PICALM: variants seen among roughly 807,000 people sequenced by gnomAD.
PICALM encodes phosphatidylinositol-binding clathrin assembly protein.
In PICALM, 40 loss-of-function variants were observed where a neutral mutation model predicts 80.5. The observed-to-expected ratio is 0.50, with a 90% CI of 0.39 to 0.65. PICALM has a LOEUF of 0.65. Among genes scored for constraint, PICALM ranks in the 30% least tolerant of loss-of-function variants. The pLI, the probability that PICALM is intolerant of heterozygous loss-of-function variation, is 0.00. For synonymous variants in PICALM, 288 were observed against 260.3 expected (o/e 1.11, Z -1.02); for missense variants, 676 against 778.9 (o/e 0.87, Z 1.57).
chr11:86,057,303 C>T (rs992298356), intron 1 of PICALM, among the ~76,000 whole-genome samples: 7 of 152,132 alleles, frequency 4.6e-5, no homozygotes, highest in African/African-American at 1.7e-4. Context: ...CTTTGGGAGG[C>T]CGAGAGGCAG....
chr11:85,974,607 A>C, intron 19 of PICALM, 101 bp downstream of exon 19: 1 of 785,004 alleles, frequency 1.3e-6, no homozygotes, highest in Admixed American at 1.8e-5. Flanking sequence ...GAAGGTAGAA[A>C]GTGCTAGTAA....
Position 85,974,794 on chromosome 11 carries a change from C to T in PICALM, c.1858G>A (p.Val620Ile), listed in dbSNP as rs1158171283. ...AAGGTTGGTTGCGTCATTACAGGAA[C>T]ACTTCCCATTTGTGGAGGCTAAAAA... ...GYGIPPQMGS[V>I]PVMTQPTLIY... The change falls in exon 19 of 20, where the codon GTT becomes ATT. Residue 620 changes from valine to isoleucine, a missense_variant. By Grantham distance (29) the Val-to-Ile change is conservative. This residue lies in a region of PICALM where 391 missense variants were observed against 383.6 expected (regional missense o/e 1.02). Coordinates refer to ENST00000393346, the MANE Select transcript of PICALM (RefSeq NM_007166.4). 1.2e-6 allele frequency: 2 copies of T among 1,612,968 alleles called. No homozygotes were observed. The highest frequency in any genetic ancestry group is 8.5e-7 in the Non-Finnish European group (1 of 1,178,962).
intron 1 of PICALM, among the ~76,000 whole-genome samples, chr11:86,034,687 G>A (rs544746259): frequency 4.9e-4 from 74 of 151,916 alleles, no homozygotes; most frequent in African/African-American, 1.7e-3. Context: ...CACATGGCAC[G>A]TAGGTTCTCT....
chr11:85,992,734 C>T (rs1324196926), intron 12 of PICALM, among the ~76,000 whole-genome samples: 1 of 152,084 alleles, frequency 6.6e-6, no homozygotes, highest in Non-Finnish European at 1.5e-5. Flanking sequence ...ATTTCTGTAA[C>T]AGATCCATTG....
rs76910507 is a variant in PICALM, at chr11:85,964,218, A to G, written c.1945-5158T>C. Among the ~76,000 whole-genome samples, 1,165 of 152,276 alleles carry G rather than the reference A, an allele frequency of 7.7e-3. 15 individuals carry two copies. The highest frequency in any genetic ancestry group is 0.027 in the African/African-American group (1,117 of 41,548). ...GGATATTTAGGAAAAAACTTGTGAC[A>G]TATCATTTGGCTGTACTTAAAATCC... On this transcript the variant is annotated intron_variant, in intron 19 of 19. Coordinates refer to ENST00000393346, the MANE Select transcript of PICALM (RefSeq NM_007166.4).
At chr11:86,056,429 G>A (rs182637825) in intron 1 of PICALM, among the ~76,000 whole-genome samples, 58 of 151,350 alleles carry the variant, frequency 3.8e-4, no homozygotes, top group Non-Finnish European at 6.8e-4. Flanking sequence ...TAACCACTAG[G>A]GAAATGGAAA....
In PICALM at chr11:85,981,880, A is replaced by G; in HGVS notation, c.1640T>C (p.Leu547Pro). The change falls in exon 15 of 20, where the codon CTT becomes CCT. Residue 547 changes from leucine to proline, a missense_variant. Around this residue, in one of 2 missense-constraint regions of PICALM, gnomAD observed 391 missense variants for 383.6 expected, o/e 1.02. Coordinates refer to ENST00000393346, the MANE Select transcript of PICALM (RefSeq NM_007166.4). ...SDDLDSSLAN[L>P]VGNLGIGNGT... ...ATCCAAAGACTACTTACTGCCCACA[A>G]GGTTGGCTAAAGATGAATCCAAGTC... is the stretch of plus-strand genomic sequence containing the variant. 1 of 1,613,872 alleles carries G rather than the reference A, an allele frequency of 6.2e-7. No homozygotes were observed. Among genetic ancestry groups the G allele is most frequent in the Non-Finnish European group, 8.5e-7 (1 of 1,179,748 alleles).
chr11:86,040,523 T>A (rs756426939), intron 1 of PICALM, among the ~76,000 whole-genome samples: 18 of 152,134 alleles, frequency 1.2e-4, no homozygotes, highest in Non-Finnish European at 2.2e-4. Flanking sequence ...TTTATAGTAA[T>A]CTTTCATATG....
At chr11:86,030,366 C>A (rs2095728769) in intron 2 of PICALM, among the ~76,000 whole-genome samples, 3 of 152,138 alleles carry the variant, frequency 2.0e-5, no homozygotes, top group Non-Finnish European at 4.4e-5. Flanking sequence ...TACTGAAAAG[C>A]CCAAAATAAC....
At chr11:86,034,537 C>T (rs768935427) in intron 1 of PICALM, among the ~76,000 whole-genome samples, 7 of 152,096 alleles carry the variant, frequency 4.6e-5, no homozygotes, top group Non-Finnish European at 1.0e-4. Flanking sequence ...CCTTGCCAAC[C>T]AATAAGTTAC....
At chr11:85,994,975 A>C (rs2094914136) in intron 12 of PICALM, among the ~76,000 whole-genome samples, 1 of 152,226 alleles carries the variant, frequency 6.6e-6, no homozygotes, top group Non-Finnish European at 1.5e-5. Flanking sequence ...AAGTACTGGG[A>C]TTACAGGTGT....
chr11:86,007,513 G>A lies in PICALM; in HGVS notation c.807+29C>T, dbSNP rs202017964. On this transcript the variant is annotated intron_variant, in intron 8 of 19. Coordinates refer to ENST00000393346, the MANE Select transcript of PICALM (RefSeq NM_007166.4). ...CTTCACAACTTGTACACAACAGATA[G>A]TGGATTGGTATTTTAACAATAAACT... 105 of 1,299,408 alleles carry A rather than the reference G, an allele frequency of 8.1e-5. 1 individual carries two copies. The Middle Eastern group carries it at 1.1e-3, about 14-fold the overall frequency. The allele number at this position is 1,299,408 out of a possible 1,614,324, so 80.5% of individuals were successfully genotyped here. A position where few individuals can be genotyped will look rare whatever the true frequency, so the allele number is the denominator to read the frequency against.
At chr11:85,971,727 C>A (rs1397828079) in intron 19 of PICALM, among the ~76,000 whole-genome samples, 11 of 149,466 alleles carry the variant, frequency 7.4e-5, no homozygotes, top group African/African-American at 2.7e-4. Flanking sequence ...CAGAGCAAGA[C>A]CCTGTCTCAA....
intron 10 of PICALM, 73 bp from the exon 11 acceptor site, chr11:86,000,852 T>G (rs1046700690): frequency 2.0e-6 from 3 of 1,534,466 alleles, no homozygotes; most frequent in Non-Finnish European, 2.6e-6. Flanking sequence ...AAAAAGCATT[T>G]TCTAATTTGT....
chr11:86,065,673 T>G (rs1257113566), intron 1 of PICALM, among the ~76,000 whole-genome samples: 1 of 152,186 alleles, frequency 6.6e-6, no homozygotes, highest in Non-Finnish European at 1.5e-5. Flanking sequence ...GGCCTAAGAT[T>G]AAACGGAAAT....
At chr11:86,008,842 G>A (rs1164977519) in intron 7 of PICALM, among the ~76,000 whole-genome samples, 1 of 150,386 alleles carries the variant, frequency 6.6e-6, no homozygotes, top group Non-Finnish European at 1.5e-5. Context: ...TGTAATCCCA[G>A]CTCTCAGGGA....
intron 1 of PICALM, among the ~76,000 whole-genome samples, chr11:86,059,248 A>C (rs1267132512): frequency 1.3e-5 from 2 of 152,234 alleles, no homozygotes; most frequent in African/African-American, 4.8e-5. Flanking sequence ...ATATTTACTG[A>C]GCACCCATGG....
At chr11:86,014,720 T>A (rs1312459491) in intron 5 of PICALM, 150 bp downstream of exon 5, 1 of 464,544 alleles carries the variant, frequency 2.2e-6, no homozygotes, top group East Asian at 3.5e-5. Flanking sequence ...AGAAAGTAAT[T>A]TGACTTGAGA....
chr11:86,037,793 G>A (rs930103109), intron 1 of PICALM, among the ~76,000 whole-genome samples: 8 of 151,954 alleles, frequency 5.3e-5, no homozygotes, highest in African/African-American at 1.9e-4. Context: ...CTTCCAAAAT[G>A]ACTTAGCAAC....
Sources: gnomAD v4.1 joint callset for allele counts (sites outside exome capture counted in the v4.1 genomes callset) on GRCh38, gnomAD v4.1.1 for gene constraint, gnomAD v4.1.1 regional missense constraint, MANE v1.5 for transcripts, NCBI Gene and HGNC (gene_info 2026-07-23, HGNC 2026-07-21) for gene names.